MAGI2: variants seen among roughly 807,000 people sequenced by gnomAD.
MAGI2 encodes the protein membrane associated guanylate kinase, WW and PDZ domain containing 2, also known as membrane-associated guanylate kinase, WW and PDZ domain-containing protein 2.
A neutral mutation model predicts 133.3 loss-of-function variants in MAGI2; 35 were observed. The observed-to-expected ratio is 0.26, with a 90% confidence interval of 0.20 to 0.35. MAGI2 has a LOEUF of 0.35. Among genes scored for constraint, MAGI2 ranks in the 10% least tolerant of loss-of-function variants. The probability of loss-of-function intolerance (pLI) is 1.00; values close to 1 mark genes in which losing one functional copy is unlikely to be tolerated. For synonymous variants in MAGI2, 729 were observed against 710.6 expected, an observed-to-expected ratio of 1.03 and a Z score of -0.41; for missense variants, 1,636 against 1,863.4, an observed-to-expected ratio of 0.88 and a Z score of 2.25.
Position 78,732,352 on chromosome 7 carries a change from C to A in MAGI2, c.419-105113G>T, listed in dbSNP as rs373863108. ...AAAAATCAGGACATATAGTCTGACA[C>A]CTTAAGTATATTTATGGAAGCATTG... On this transcript the variant is annotated intron_variant, in intron 2 of 21. Transcript: ENST00000354212. 7.0e-4 allele frequency among the ~76,000 whole-genome samples: 107 copies of A among 152,220 alleles called. No homozygotes were observed. The South Asian group carries it at 0.016, about 22-fold the overall frequency.
intron 1 of MAGI2, among the ~76,000 whole-genome samples, chr7:79,236,303 C>G (rs1029463637): frequency 1.3e-5 from 2 of 152,174 alleles, no homozygotes; most frequent in Non-Finnish European, 2.9e-5. Context: ...TATCCACAAC[C>G]AATTCACAAA....
chr7:78,501,215 T>C (rs1794589435), intron 5 of MAGI2, among the ~76,000 whole-genome samples: 1 of 152,162 alleles, frequency 6.6e-6, no homozygotes, highest in Non-Finnish European at 1.5e-5. Flanking sequence ...GCTTAGATAA[T>C]AGGAAAAAAA....
chr7:78,930,538 A>G (rs61151798), intron 2 of MAGI2, among the ~76,000 whole-genome samples: 18,643 of 151,980 alleles, frequency 0.12, 2,641 homozygotes, highest in African/African-American at 0.33. Flanking sequence ...TCAAATCCCC[A>G]ACAAAGGCTA....
chr7:79,444,590 G>C (rs1848716222), intron 1 of MAGI2, among the ~76,000 whole-genome samples: 1 of 151,790 alleles, frequency 6.6e-6, no homozygotes, highest in African/African-American at 2.4e-5. Context: ...AAAATACCTA[G>C]GAATCCACCT....
At chr7:78,968,532 A>G (rs938901953) in intron 2 of MAGI2, among the ~76,000 whole-genome samples, 4 of 151,704 alleles carry the variant, frequency 2.6e-5, no homozygotes, top group Admixed American at 6.6e-5. Context: ...TTGTTTCTTA[A>G]TCTCCTTTTC....
chr7:79,439,493 A>G (rs758137884), intron 1 of MAGI2, among the ~76,000 whole-genome samples: 3 of 152,074 alleles, frequency 2.0e-5, no homozygotes, highest in African/African-American at 7.2e-5. Context: ...TGTCCCTCCT[A>G]TGTGCTGTAA....
intron 1 of MAGI2, among the ~76,000 whole-genome samples, chr7:79,026,330 T>C (rs1809880516): frequency 6.6e-6 from 1 of 152,236 alleles, no homozygotes; most frequent in African/African-American, 2.4e-5. Context: ...ATCCCTTCAA[T>C]TACTTGCAAG....
intron 10 of MAGI2, chr7:78,253,883 A>G (rs566109598): frequency 2.7e-4 from 41 of 152,306 alleles, no homozygotes; most frequent in African/African-American, 9.4e-4. Flanking sequence ...GGTCATAGGC[A>G]CTTCTGGTAG....
chr7:78,576,357 T>A (rs2150792373), intron 3 of MAGI2, among the ~76,000 whole-genome samples: 1 of 152,246 alleles, frequency 6.6e-6, no homozygotes, highest in African/African-American at 2.4e-5. Context: ...TTAAAAGAGA[T>A]TTTATGTTTG....
chr7:78,322,607 T>C (rs372431938), intron 9 of MAGI2, among the ~76,000 whole-genome samples: 58 of 151,996 alleles, frequency 3.8e-4, no homozygotes, highest in African/African-American at 1.4e-3. Context: ...CTGGGGCCTG[T>C]TGGTAGATGG....
At chr7:78,416,964 T>C (rs1239705205) in intron 6 of MAGI2, among the ~76,000 whole-genome samples, 1 of 152,108 alleles carries the variant, frequency 6.6e-6, no homozygotes, top group Admixed American at 6.6e-5. Context: ...AAAAACCACA[T>C]AGTCTGAGAA....
chr7:78,200,707 A>T (rs1829172465), intron 11 of MAGI2, among the ~76,000 whole-genome samples: 1 of 152,182 alleles, frequency 6.6e-6, no homozygotes, highest in South Asian at 2.1e-4. Context: ...ACACATACAC[A>T]CATGTAGCTC....
intron 1 of MAGI2, among the ~76,000 whole-genome samples, chr7:79,043,387 A>G (rs1196306716): frequency 1.3e-5 from 2 of 151,646 alleles, no homozygotes; most frequent in African/African-American, 2.4e-5. Flanking sequence ...TACTAAAAAT[A>G]CAAAAACTAG....
chr7:78,886,115 C>T (rs1335349702), intron 2 of MAGI2, among the ~76,000 whole-genome samples: 1 of 152,242 alleles, frequency 6.6e-6, no homozygotes, highest in African/African-American at 2.4e-5. Flanking sequence ...AGCAATTCTG[C>T]ATCAGACCCT....
chr7:78,466,942 G>A (rs952911242), intron 6 of MAGI2, among the ~76,000 whole-genome samples: 7 of 152,068 alleles, frequency 4.6e-5, no homozygotes, highest in African/African-American at 7.2e-5. Flanking sequence ...AAATTAATGG[G>A]TATCTGTCCC....
chr7:78,673,729 T>C (rs1585046460), intron 2 of MAGI2, among the ~76,000 whole-genome samples: 1 of 151,782 alleles, frequency 6.6e-6, no homozygotes, highest in Non-Finnish European at 1.5e-5. Context: ...GTTTATGGGG[T>C]GGGCAACTTG....
intron 3 of MAGI2, among the ~76,000 whole-genome samples, chr7:78,565,490 A>G (rs1340726847): frequency 2.6e-5 from 4 of 151,608 alleles, no homozygotes; most frequent in African/African-American, 7.3e-5. Flanking sequence ...AAAAAAAAAG[A>G]TAAGAATTAA....
At chr7:78,522,183 A>G (rs532429217) in intron 3 of MAGI2, among the ~76,000 whole-genome samples, 1 of 152,240 alleles carries the variant, frequency 6.6e-6, no homozygotes, top group Admixed American at 6.5e-5. Context: ...GGCTGCTGAC[A>G]GTGCGCCTGC....
chr7:79,237,976 T>C (rs1187755018), intron 1 of MAGI2, among the ~76,000 whole-genome samples: 3 of 152,206 alleles, frequency 2.0e-5, no homozygotes, highest in Admixed American at 6.5e-5. Flanking sequence ...AATATCAGCA[T>C]AATTTGACAA....
Sources: allele counts gnomAD v4.1 joint callset (sites outside exome capture counted in the v4.1 genomes callset), GRCh38; gene constraint gnomAD v4.1.1; transcripts MANE v1.5; gene names NCBI Gene and HGNC (gene_info 2026-07-23, HGNC 2026-07-21).